The following ANK2 variants were observed in gnomAD, a reference collection of about 807,000 sequenced individuals.
ANK2 encodes ankyrin 2, also known as ankyrin-2.
In ANK2, 83 loss-of-function variants were observed where a neutral mutation model predicts 360.5. That is an observed-to-expected ratio of 0.23 (90% confidence interval 0.19 to 0.28). The LOEUF (loss-of-function observed/expected upper bound fraction) is 0.28, where lower values mean the gene tolerates loss of function less well. Among genes scored for constraint, ANK2 ranks in the 10% least tolerant of loss-of-function variants. ANK2 has a pLI of 1.00. For missense variants in ANK2, 4,201 were observed against 4,795.7 expected, an observed-to-expected ratio of 0.88 and a Z score of 3.66; for synonymous variants, 1,740 against 1,759.5, an observed-to-expected ratio of 0.99 and a Z score of 0.28.
chr4:113,301,677 A>C (rs1469335026), intron 22 of ANK2, among the ~76,000 whole-genome samples: 1 of 152,054 alleles, frequency 6.6e-6, no homozygotes, highest in Non-Finnish European at 1.5e-5. Context: ...CCAGGTGTCT[A>C]TTCTGTGCTT....
chr4:113,310,752 G>C (rs866072173), intron 23 of ANK2, among the ~76,000 whole-genome samples: 1 of 152,246 alleles, frequency 6.6e-6, no homozygotes, highest in Admixed American at 6.5e-5. Context: ...TTGGCTTTTT[G>C]CAAGGGATCC....
intron 35 of ANK2, among the ~76,000 whole-genome samples, chr4:113,346,801 C>G (rs2094910514): frequency 6.6e-6 from 1 of 152,150 alleles, no homozygotes; most frequent in Non-Finnish European, 1.5e-5. Context: ...CCAAGTCTAC[C>G]TACAGGAATT....
chr4:113,369,905 A>T, intron 43 of ANK2, 100 bp downstream of exon 43: 1 of 1,471,202 alleles, frequency 6.8e-7, no homozygotes, highest in Non-Finnish European at 9.4e-7. Context: ...TTCAAAACAA[A>T]AAAGTTAACC....
In ANK2 at chr4:112,918,097, T is replaced by C. The variant is rs187338432; in HGVS notation, c.21+13583T>C. Among the ~76,000 whole-genome samples the C allele has an allele frequency of 6.7e-3, 1,021 of 152,322 alleles. 4 individuals are homozygous for C. Among genetic ancestry groups the C allele is most frequent in the Non-Finnish European group, 0.01 (710 of 68,024 alleles). The stretch of plus-strand genomic sequence containing the variant: ...CCTGCTTTACCTGTCAGTTCTTTAC[T>C]TATGCTTTTAGTCAAAGCATTTTTC... On this transcript the variant is annotated intron_variant, in intron 2 of 30. Coordinates refer to the ANK2 transcript ENST00000503271.
intron 1 of ANK2, among the ~76,000 whole-genome samples, chr4:113,166,265 C>T (rs2097753903): frequency 6.6e-6 from 1 of 152,094 alleles, no homozygotes; most frequent in African/African-American, 2.4e-5. Context: ...ATTTTAGTAA[C>T]TGGCATAGTT....
chr4:112,856,857 T>C (rs2066551816), intron 1 of ANK2, among the ~76,000 whole-genome samples: 1 of 151,694 alleles, frequency 6.6e-6, no homozygotes, highest in Non-Finnish European at 1.5e-5. Context: ...GGGTCAACTC[T>C]TAATATAGCA....
chr4:113,307,346 C>T (rs759416884), intron 23 of ANK2, among the ~76,000 whole-genome samples: 25 of 151,144 alleles, frequency 1.7e-4, no homozygotes, highest in Admixed American at 1.1e-3. Context: ...GAGTGGGTTC[C>T]GTAACGTTTC....
Position 113,355,212 on chromosome 4 carries a change from A to T in ANK2, c.6594A>T (p.Leu2198Phe). 2.5e-6 allele frequency: 4 copies of T among 1,614,162 alleles called. No homozygotes were observed. The South Asian group carries it at 4.4e-5, about 18-fold the overall frequency. Residue 2198 changes from leucine to phenylalanine, a missense_variant, in exon 38 of 46, where the codon TTA becomes TTT. Leu to Phe is a conservative substitution (Grantham distance 22, BLOSUM62 0). Around this residue, in one of 4 missense-constraint regions of ANK2, gnomAD observed 2,642 missense variants for 2,714.5 expected, o/e 0.97. Coordinates refer to ENST00000357077, the MANE Select transcript of ANK2 (RefSeq NM_001148.6). ...LPALSLQSGA[L>F]DGSSESLKNE... The stretch of plus-strand genomic sequence containing the variant: ...CTCTGTCTTTACAAAGCGGTGCTTT[A>T]GATGGCAGTTCTGAAAGCCTAAAGA...
At chr4:112,841,240 C>G (rs2062018937) in intron 1 of ANK2, among the ~76,000 whole-genome samples, 1 of 152,100 alleles carries the variant, frequency 6.6e-6, no homozygotes, top group East Asian at 1.9e-4. Flanking sequence ...GTGTGTGATA[C>G]AAGAAAACGC....
At chr4:112,809,352 G>A in the ANK2 span, among the ~76,000 whole-genome samples, 1 of 150,162 alleles carries the variant, frequency 6.7e-6, no homozygotes, top group Non-Finnish European at 1.5e-5. Context: ...ACGAGGTCAG[G>A]AGATCGAGAC....
chr4:112,718,636 A>G, the ANK2 span, among the ~76,000 whole-genome samples: 1 of 149,932 alleles, frequency 6.7e-6, no homozygotes, highest in African/African-American at 2.5e-5. Context: ...GTTTTTATTT[A>G]TTTTTTATTT....
At chr4:113,193,501 C>G (rs1562786142) in intron 2 of ANK2, among the ~76,000 whole-genome samples, 1 of 152,166 alleles carries the variant, frequency 6.6e-6, no homozygotes, top group Non-Finnish European at 1.5e-5. Flanking sequence ...GGCGTAAGGA[C>G]TGAGAAGGGA....
the ANK2 span, among the ~76,000 whole-genome samples, chr4:112,729,971 G>C: frequency 0.022 from 3,289 of 152,152 alleles, 105 homozygotes; most frequent in African/African-American, 0.073. Context: ...GCAAAGAGTA[G>C]AATGTTAGTT....
In ANK2 at chr4:113,367,765, T is replaced by C; in HGVS notation, c.11232T>C (p.Thr3744=). ...DSSATALFPQ[T]HKEQVQQDFS... is the part of the protein sequence containing the mutation. ...CAGCAACAGCACTCTTTCCCCAAAC[T>C]CACAAGGAGCAAGTTCAACAGGATT... Residue 3744 remains threonine (T), a synonymous_variant, in exon 42 of 46, where the codon ACT becomes ACC. Transcript: ENST00000357077. 1 of 1,613,892 alleles carries C rather than the reference T, an allele frequency of 6.2e-7. No homozygotes were observed.
At chr4:112,749,946 G>A in the ANK2 span, among the ~76,000 whole-genome samples, 10 of 152,152 alleles carry the variant, frequency 6.6e-5, no homozygotes, top group African/African-American at 1.7e-4. Context: ...GGGTTTCACC[G>A]TGTTGGCCAG....
At chr4:112,906,212 T>G (rs1009714370) in intron 2 of ANK2, among the ~76,000 whole-genome samples, 1 of 152,050 alleles carries the variant, frequency 6.6e-6, no homozygotes, top group Non-Finnish European at 1.5e-5. Context: ...TGTCAAATGT[T>G]GCTGACAGGT....
chr4:112,871,018 T>C (rs2072794213), intron 1 of ANK2, among the ~76,000 whole-genome samples: 1 of 152,180 alleles, frequency 6.6e-6, no homozygotes, highest in South Asian at 2.1e-4. Context: ...AATTTAAATA[T>C]TTAATAAAAT....
In ANK2 at chr4:113,369,634, G is replaced by A. The variant is rs755229114; in HGVS notation, c.11439G>A (p.Gln3813=). Residue 3813 remains glutamine (Q), a synonymous_variant, in exon 43 of 46, where the codon CAG becomes CAA. Coordinates refer to ENST00000357077, the MANE Select transcript of ANK2 (RefSeq NM_001148.6). The stretch of plus-strand genomic sequence containing the variant: ...CAGAGGAGGAGAAGCTGTACCTCCA[G>A]ACCCCAACATCCAGCGAGCGGGGAG... ...TPAEEEKLYL[Q]TPTSSERGGS... is the part of the protein sequence containing the mutation. The A allele has an allele frequency of 6.2e-7, 1 of 1,614,102 alleles. No homozygotes were observed. The highest frequency in any genetic ancestry group is 1.1e-5 in the South Asian group (1 of 91,080).
the ANK2 span, among the ~76,000 whole-genome samples, chr4:112,776,128 G>C: frequency 6.6e-6 from 1 of 152,060 alleles, no homozygotes; most frequent in Non-Finnish European, 1.5e-5. Flanking sequence ...TGAAGGAAGA[G>C]GAAGTAGTGA....
Sources: allele counts gnomAD v4.1 joint callset (sites outside exome capture counted in the v4.1 genomes callset), GRCh38; gene constraint gnomAD v4.1.1; regional missense constraint gnomAD v4.1.1; transcripts MANE v1.5; gene names NCBI Gene and HGNC (gene_info 2026-07-23, HGNC 2026-07-21).